ZC3H6: variants seen among roughly 807,000 people sequenced by gnomAD.
The protein encoded by ZC3H6 is zinc finger CCCH domain-containing protein 6.
In ZC3H6, 40 loss-of-function variants were observed where a neutral mutation model predicts 107.7. The ratio of observed to expected loss-of-function variants is 0.37; its 90% confidence interval spans 0.29 to 0.48. The LOEUF (loss-of-function observed/expected upper bound fraction) is 0.48, where lower values mean the gene tolerates loss of function less well. Among genes scored for constraint, ZC3H6 ranks in the 20% least tolerant of loss-of-function variants. The pLI, the probability that ZC3H6 is intolerant of heterozygous loss-of-function variation, is 0.98. For synonymous variants in ZC3H6, 493 were observed against 487.9 expected, an observed-to-expected ratio of 1.01 and a Z score of -0.14; for missense variants, 1,267 against 1,410.4, an observed-to-expected ratio of 0.90 and a Z score of 1.63.
intron 5 of ZC3H6, among the ~76,000 whole-genome samples, chr2:112,316,210 T>C (rs1301766785): frequency 6.6e-6 from 1 of 152,112 alleles, no homozygotes; most frequent in African/African-American, 2.4e-5. Context: ...TGTGAATTTT[T>C]AAACTTTTTA....
At position 112,309,911 on chromosome 2, in the gene ZC3H6, A is replaced by G; in HGVS notation, c.363A>G (p.Ile121Met). ...TQRGHISGSYITSKKGQHNKK... is the reference protein window; with the variant it reads ...TQRGHISGSYMTSKKGQHNKK... ...GTGGACATATATCAGGAAGCTACAT[A>G]ACATCAAAGAAGGGTCAACATAACA... is the stretch of plus-strand genomic sequence containing the variant. Residue 121 changes from isoleucine (I) to methionine (M), a missense_variant, in exon 4 of 12, where the codon ATA becomes ATG. By Grantham distance (10) the Ile-to-Met change is conservative. Around this residue, in one of 3 missense-constraint regions of ZC3H6, gnomAD observed 337 missense variants for 361.2 expected, o/e 0.93. Coordinates refer to ENST00000409871, the MANE Select transcript of ZC3H6 (RefSeq NM_198581.3). 1 of 1,588,192 alleles carries G rather than the reference A, an allele frequency of 6.3e-7. No individual in the cohort carries two copies. Among genetic ancestry groups the G allele is most frequent in the Non-Finnish European group, 8.6e-7 (1 of 1,166,330 alleles).
chr2:112,301,115 C>T (rs1019031550), intron 2 of ZC3H6, among the ~76,000 whole-genome samples: 7 of 152,188 alleles, frequency 4.6e-5, no homozygotes, highest in Non-Finnish European at 8.8e-5. Context: ...AAGTTGCCAA[C>T]AGATATTCAC....
At chr2:112,298,602 A>G (rs1002679242) in intron 1 of ZC3H6, among the ~76,000 whole-genome samples, 1 of 152,284 alleles carries the variant, frequency 6.6e-6, no homozygotes, top group Non-Finnish European at 1.5e-5. Context: ...CCAAAGAATT[A>G]CTTCATGCTT....
chr2:112,315,181 T>G (rs1380591779), intron 5 of ZC3H6, among the ~76,000 whole-genome samples: 1 of 152,152 alleles, frequency 6.6e-6, no homozygotes, highest in Non-Finnish European at 1.5e-5. Context: ...TAATGTTGTT[T>G]TTTAGAGTTG....
chr2:112,301,201 A>G (rs1246596624), intron 2 of ZC3H6, among the ~76,000 whole-genome samples: 1 of 152,246 alleles, frequency 6.6e-6, no homozygotes, highest in African/African-American at 2.4e-5. Context: ...GGGCTGTGCT[A>G]TCACCAGTTC....
intron 11 of ZC3H6, among the ~76,000 whole-genome samples, chr2:112,330,219 A>AT (rs1451747814): frequency 1.3e-5 from 2 of 151,756 alleles, no homozygotes; most frequent in African/African-American, 4.8e-5. Context: ...TGCACGGCTA[A>AT]TTTTTTTGTA....
At chr2:112,306,329 C>T (rs550259900) in intron 3 of ZC3H6, among the ~76,000 whole-genome samples, 6 of 152,142 alleles carry the variant, frequency 3.9e-5, no homozygotes, top group South Asian at 2.1e-4. Flanking sequence ...TACGCCACCA[C>T]ACTTGGCTAA....
chr2:112,329,575 A>G (rs1255371499), intron 11 of ZC3H6, among the ~76,000 whole-genome samples: 5 of 152,238 alleles, frequency 3.3e-5, no homozygotes, highest in Non-Finnish European at 7.3e-5. Context: ...GTTTTAATCC[A>G]CATTCTACCC....
chr2:112,326,227 CTT>C (rs774242525), intron 11 of ZC3H6, among the ~76,000 whole-genome samples: 6 of 152,012 alleles, frequency 3.9e-5, no homozygotes, highest in Admixed American at 3.3e-4. Context: ...CAGGTATACT[CTT>C]TTAGTTTTTT....
intron 3 of ZC3H6, among the ~76,000 whole-genome samples, chr2:112,303,596 G>T (rs1271974745): frequency 6.6e-6 from 1 of 151,970 alleles, no homozygotes; most frequent in African/African-American, 2.4e-5. Context: ...TGTTTCTATG[G>T]ATTTGCCTAT....
intron 3 of ZC3H6, among the ~76,000 whole-genome samples, chr2:112,307,943 T>C (rs184325494): frequency 3.3e-4 from 51 of 152,286 alleles, no homozygotes; most frequent in African/African-American, 1.2e-3. Flanking sequence ...CAGAGAAAAA[T>C]TGATACTCAT....
In ZC3H6 at chr2:112,294,642, A is replaced by T. The variant is rs564984243; in HGVS notation, c.33-5207A>T. Among the ~76,000 whole-genome samples the T allele has an allele frequency of 2.4e-4, 36 of 151,362 alleles. No individual in the cohort carries two copies. The South Asian group carries it at 3.1e-3, about 13-fold the overall frequency. ...GTAACAGGAGCCTTTAGGCAAGCAT[A>T]AAAAAAAAGCAGAAACTACTGTGGA... is the stretch of plus-strand genomic sequence containing the variant. On this transcript the variant is annotated intron_variant, in intron 1 of 11. Transcript: ENST00000409871.
intron 9 of ZC3H6, among the ~76,000 whole-genome samples, 167 bp from the exon 10 acceptor site, chr2:112,323,985 A>G (rs1378676158): frequency 6.6e-6 from 1 of 152,186 alleles, no homozygotes; most frequent in Non-Finnish European, 1.5e-5. Context: ...CATGAGGTCT[A>G]TTTCGTGTTT....
chr2:112,288,362 T>C (rs1053764092), intron 1 of ZC3H6, among the ~76,000 whole-genome samples: 2 of 152,232 alleles, frequency 1.3e-5, no homozygotes, highest in African/African-American at 4.8e-5. Flanking sequence ...AGTAATTCTA[T>C]TCAGATATGT....
At chr2:112,289,053 CTTTTTTTTCTTTTTTTTT>C (rs1324894084) in intron 1 of ZC3H6, among the ~76,000 whole-genome samples, 3 of 77,748 alleles carry the variant, frequency 3.9e-5, no homozygotes, top group Non-Finnish European at 8.5e-5. Flanking sequence ...TCTTTTTTTT[CTTTTTTTTCTTTTTTTTT>C]TTTGAGACAG....
In ZC3H6 at chr2:112,303,334, G is replaced by A; in HGVS notation, c.319G>A (p.Asp107Asn). The change falls in exon 3 of 12, where the codon GAC becomes AAC. Residue 107 changes from aspartate to asparagine, a missense_variant. Transcript: ENST00000409871. ...KKRTGFYRDY[D>N]IPFTQRGHIS... Reference sequence around the variant, plus strand: ...AAGAACTGGTTTCTACAGGGATTATGACATTCCATTTACTCAGGTATTGCC... The same window carrying A: ...AAGAACTGGTTTCTACAGGGATTATAACATTCCATTTACTCAGGTATTGCC... 6.2e-7 allele frequency: 1 copy of A among 1,612,404 alleles called. No homozygotes were observed. The highest frequency in any genetic ancestry group is 8.5e-7 in the Non-Finnish European group (1 of 1,179,174).
intron 9 of ZC3H6, among the ~76,000 whole-genome samples, chr2:112,323,890 A>G (rs940063041): frequency 6.6e-6 from 1 of 152,134 alleles, no homozygotes; most frequent in Non-Finnish European, 1.5e-5. Flanking sequence ...GGTGATTCTT[A>G]TTTATCTTTG....
At chr2:112,297,902 G>A (rs937143303) in intron 1 of ZC3H6, among the ~76,000 whole-genome samples, 4 of 152,152 alleles carry the variant, frequency 2.6e-5, no homozygotes, top group Non-Finnish European at 5.9e-5. Context: ...ATCACTTGAG[G>A]TCAGGAGTTT....
intron 1 of ZC3H6, among the ~76,000 whole-genome samples, chr2:112,277,162 G>T (rs1437561131): frequency 6.6e-6 from 1 of 152,116 alleles, no homozygotes; most frequent in Admixed American, 6.6e-5. Context: ...CTTCAGTATT[G>T]TAATAATAAA....
Sources: allele counts gnomAD v4.1 joint callset (sites outside exome capture counted in the v4.1 genomes callset), GRCh38; gene constraint gnomAD v4.1.1; regional missense constraint gnomAD v4.1.1; transcripts MANE v1.5; gene names NCBI Gene and HGNC (gene_info 2026-07-23, HGNC 2026-07-21).